The following CAPN5 variants were observed in gnomAD, a reference collection of about 807,000 sequenced individuals.
CAPN5 encodes the protein calpain 5, also known as calpain-5.
In CAPN5, 54 loss-of-function variants were observed where a neutral mutation model predicts 73.0. That is an observed-to-expected ratio of 0.74 (90% CI 0.59 to 0.93). CAPN5 has a LOEUF of 0.93. CAPN5 is among the 40% of genes least tolerant of loss of function. The probability of loss-of-function intolerance (pLI) is 0.00; values close to 1 mark genes in which losing one functional copy is unlikely to be tolerated. For missense variants in CAPN5, 785 were observed against 882.9 expected (o/e 0.89, Z 1.41); for synonymous variants, 335 against 356.9 (o/e 0.94, Z 0.69).
Position 77,115,642 on chromosome 11 carries a change from C to T in CAPN5, c.893+54C>T, listed in dbSNP as rs564598271. The stretch of plus-strand genomic sequence containing the variant: ...CAGGGCATGAGGGCTTGGACAAGGA[C>T]GGGTGGGCTTCTTGGAGGAGTTGGC... On this transcript the variant is annotated intron_variant, in intron 6 of 12. Transcript: ENST00000648180. 3.0e-5 allele frequency: 44 copies of T among 1,476,308 alleles called. No homozygotes were observed. In the East Asian group the frequency reaches 3.7e-4, roughly 12 times the overall value. The allele number at this position is 1,476,308 out of a possible 1,614,324, so 91.5% of individuals were successfully genotyped here.
Position 77,122,730 on chromosome 11 carries a change from G to C in CAPN5, c.1740+18G>C. The C allele has an allele frequency of 1.2e-6, 2 of 1,612,360 alleles. No homozygotes were observed. The highest frequency in any genetic ancestry group is 1.7e-6 in the Non-Finnish European group (2 of 1,179,584). On this transcript the variant is annotated intron_variant, in intron 12 of 12. Coordinates refer to ENST00000648180, the MANE Select transcript of CAPN5 (RefSeq NM_004055.5). ...CTGTACAGGTGAGCCCCCTGGTCCA[G>C]AGGCCACCTCCTGGGCTCCTAGCCT...
intron 8 of CAPN5, 145 bp from the exon 9 acceptor site, chr11:77,118,885 G>A (rs1347766809): frequency 1.2e-6 from 1 of 865,072 alleles, no homozygotes; most frequent in Non-Finnish European, 1.8e-6. Flanking sequence ...GCATTGGTAG[G>A]CCCACCTCAC....
chr11:77,106,247 T>G (rs1950346915), intron 3 of CAPN5, among the ~76,000 whole-genome samples: 1 of 149,840 alleles, frequency 6.7e-6, no homozygotes. Context: ...GCAGAACCCT[T>G]CCCCAGCCCC....
At chr11:77,119,264 C>A in intron 9 of CAPN5, 112 bp downstream of exon 9, 1 of 1,218,444 alleles carries the variant, frequency 8.2e-7, no homozygotes, top group Non-Finnish European at 1.1e-6. Context: ...TGCCGCTGCC[C>A]TGGCTGCCGT....
chr11:77,113,337 G>T (rs1381712821), intron 4 of CAPN5, among the ~76,000 whole-genome samples: 1 of 152,256 alleles, frequency 6.6e-6, no homozygotes, highest in African/African-American at 2.4e-5. Context: ...ACAGAGCCCA[G>T]CATAGAATGG....
chr11:77,105,393 T>C (rs1950334508), intron 3 of CAPN5, among the ~76,000 whole-genome samples: 1 of 152,094 alleles, frequency 6.6e-6, no homozygotes, highest in African/African-American at 2.4e-5. Context: ...CGGCCCTGAC[T>C]GTTTCTCTGG....
At chr11:77,081,864 G>A (rs78342070) in intron 1 of CAPN5, among the ~76,000 whole-genome samples, 74 of 152,200 alleles carry the variant, frequency 4.9e-4, no homozygotes, top group East Asian at 3.7e-3. Context: ...GAGTGCTGGC[G>A]TCTGTGATGT....
chr11:77,097,480 T>TG (rs1950223840), intron 3 of CAPN5, among the ~76,000 whole-genome samples: 3 of 144,732 alleles, frequency 2.1e-5, no homozygotes, highest in Admixed American at 6.8e-5. Flanking sequence ...TTTTTTTTTT[T>TG]TTTTTTTTTA....
At position 77,071,880 on chromosome 11, in the gene CAPN5, C is replaced by T. The variant is rs180845980; in HGVS notation, c.-36+4786C>T. 1.9e-4 allele frequency among the ~76,000 whole-genome samples: 29 copies of T among 152,266 alleles called. No individual in the cohort carries two copies. In the East Asian group the frequency reaches 4.3e-3, roughly 22 times the overall value. On this transcript the variant is annotated intron_variant, in intron 1 of 12. Transcript: ENST00000648180. ...TTGCAGGAGGGGGTAAGCCCTCTGG[C>T]GCCTCAGGAAGAACCCTAGCCAAAT... is the stretch of plus-strand genomic sequence containing the variant.
chr11:77,106,192 G>A (rs889660102), intron 3 of CAPN5, among the ~76,000 whole-genome samples: 12 of 152,094 alleles, frequency 7.9e-5, no homozygotes, highest in Non-Finnish European at 1.3e-4. Flanking sequence ...CCTCAGAGTA[G>A]CTGCTGCCCC....
At chr11:77,106,635 C>T (rs1950351122) in intron 3 of CAPN5, among the ~76,000 whole-genome samples, 2 of 152,200 alleles carry the variant, frequency 1.3e-5, no homozygotes, top group Non-Finnish European at 2.9e-5. Flanking sequence ...GTGAAATGGG[C>T]GAGTGTCCAC....
At chr11:77,103,297 A>G (rs373329512) in intron 3 of CAPN5, 1 of 1,611,796 alleles carries the variant, frequency 6.2e-7, no homozygotes, top group Non-Finnish European at 8.5e-7. Flanking sequence ...GAGCCCGCCA[A>G]CCTCAAGGCC....
At position 77,125,523 on chromosome 11, in the gene CAPN5, A is replaced by G. The variant is rs1355241650; in HGVS notation, c.*1653A>G. 3.3e-5 allele frequency: 5 copies of G among 152,012 alleles called. No homozygotes were observed. Among genetic ancestry groups the G allele is most frequent in the Non-Finnish European group, 7.4e-5 (5 of 67,972 alleles). The allele number at this position is 152,012 out of a possible 1,614,324, so 9.4% of individuals were successfully genotyped here. On this transcript the variant is annotated 3_prime_UTR_variant, in exon 13 of 13. Transcript: ENST00000648180. The stretch of plus-strand genomic sequence containing the variant: ...TTCCCCCTTCTACAAAGTGGGGCCA[A>G]TGATTCTTGTGTGTCAGCACTGTTA...
Position 77,115,661 on chromosome 11 carries a change from A to T in CAPN5, c.893+73A>T. On this transcript the variant is annotated intron_variant, in intron 6 of 12. Transcript: ENST00000648180. ...CAAGGACGGGTGGGCTTCTTGGAGG[A>T]GTTGGCACTGGGGCTGGGCCTTGAA... 3.9e-6 allele frequency: 5 copies of T among 1,266,732 alleles called. No individual in the cohort carries two copies. The South Asian group carries it at 5.3e-5, about 13-fold the overall frequency. 78.5% of individuals were successfully genotyped at this position (1,266,732 alleles called of 1,614,324 possible). A position where few individuals can be genotyped will look rare whatever the true frequency, so the allele number is the denominator to read the frequency against.
At chr11:77,071,611 T>C (rs931860771) in intron 1 of CAPN5, 8 of 453,842 alleles carry the variant, frequency 1.8e-5, no homozygotes, top group Admixed American at 1.2e-4. Flanking sequence ...ATTTTACAGA[T>C]GAGAATTCTG....
intron 1 of CAPN5, among the ~76,000 whole-genome samples, chr11:77,082,390 A>G (rs1950036653): frequency 6.6e-6 from 1 of 152,184 alleles, no homozygotes; most frequent in Non-Finnish European, 1.5e-5. Flanking sequence ...CAGGCTCAGA[A>G]AGAAAAGGCC....
chr11:77,118,137 C>T lies in CAPN5; in HGVS notation c.972-20C>T, dbSNP rs913864247. On this transcript the variant is annotated intron_variant, in intron 7 of 12. Coordinates refer to ENST00000648180, the MANE Select transcript of CAPN5 (RefSeq NM_004055.5). ...GGAGGTGTGGGGGAGGTACCCTGCT[C>T]AGCCCCTCCCCACATCCAGGATGAC... The T allele has an allele frequency of 1.0e-5, 16 of 1,599,718 alleles. No homozygotes were observed. Among genetic ancestry groups the T allele is most frequent in the Non-Finnish European group, 1.4e-5 (16 of 1,171,220 alleles).
intron 3 of CAPN5, among the ~76,000 whole-genome samples, chr11:77,094,550 G>A (rs1950188374): frequency 1.3e-5 from 2 of 152,230 alleles, no homozygotes; most frequent in South Asian, 4.1e-4. Flanking sequence ...AAGAATTATT[G>A]GCAGGGACTG....
intron 2 of CAPN5, among the ~76,000 whole-genome samples, chr11:77,088,661 A>T (rs1454092333): frequency 6.6e-6 from 1 of 152,024 alleles, no homozygotes; most frequent in Non-Finnish European, 1.5e-5. Context: ...AGATTCCAGG[A>T]GGGTGGTGAC....
Sources: gnomAD v4.1 joint callset for allele counts (sites outside exome capture counted in the v4.1 genomes callset) on GRCh38, gnomAD v4.1.1 for gene constraint, MANE v1.5 for transcripts, NCBI Gene and HGNC (gene_info 2026-07-23, HGNC 2026-07-21) for gene names.